Variants in WDR59 observed in about 807,000 individuals in gnomAD.
WDR59 encodes GATOR2 complex protein WDR59.
Under a neutral mutation model 131.2 loss-of-function variants are expected in WDR59, and 100 were observed. That is an observed-to-expected ratio of 0.76 (90% CI 0.65 to 0.90). The LOEUF is 0.90. Among genes scored for constraint, WDR59 ranks in the 40% least tolerant of loss-of-function variants. The pLI, the probability that WDR59 is intolerant of heterozygous loss-of-function variation, is 0.00. For synonymous variants in WDR59, 601 were observed against 466.2 expected (o/e 1.29, Z -3.72); for missense variants, 1,203 against 1,262.2 (o/e 0.95, Z 0.71).
Position 74,873,409 on chromosome 16 carries a change from T to A in WDR59, c.*800A>T, listed in dbSNP as rs1378532234. 1 of 152,138 alleles carries A rather than the reference T, an allele frequency of 6.6e-6. No homozygotes were observed. The highest frequency in any genetic ancestry group is 1.9e-4 in the East Asian group (1 of 5,194). 9.4% of individuals were successfully genotyped at this position (152,138 alleles called of 1,614,324 possible). A position where few individuals can be genotyped will look rare whatever the true frequency, so the allele number is the denominator to read the frequency against. ...CTCCTTTTGCTAGAAGAAATAAGAC[T>A]CTTGGGGCTAGGAAGAACCTTAAAT... On this transcript the variant is annotated 3_prime_UTR_variant, in exon 26 of 26. Transcript: ENST00000262144.
rs376846248 is a variant in WDR59, at chr16:74,886,126, C to T, written c.2546+144G>A. Reference sequence around the variant, plus strand: ...CTGGGAAGCAGAGGTTGCAGAGAGCCGAGATCCCGCCACTGCACTCCAACC... The same window carrying T: ...CTGGGAAGCAGAGGTTGCAGAGAGCTGAGATCCCGCCACTGCACTCCAACC... On this transcript the variant is annotated intron_variant, in intron 24 of 25. Transcript: ENST00000262144. The T allele has an allele frequency of 8.7e-5, 93 of 1,069,728 alleles. 1 individual carries two copies. The African/African-American group carries it at 1.2e-3, about 14-fold the overall frequency. 66.3% of individuals were successfully genotyped at this position (1,069,728 alleles called of 1,614,324 possible).
chr16:74,908,855 G>A (rs1380299200), intron 17 of WDR59, 53 bp downstream of exon 17: 6 of 1,522,110 alleles, frequency 3.9e-6, no homozygotes, highest in South Asian at 1.1e-5. Context: ...CCAGGTCTCT[G>A]GCCACTTCTG....
At chr16:74,914,260 TA>T (rs1966252899) in intron 13 of WDR59, among the ~76,000 whole-genome samples, 1 of 151,576 alleles carries the variant, frequency 6.6e-6, no homozygotes, top group African/African-American at 2.4e-5. Flanking sequence ...TATATCTCAA[TA>T]ATTTTTTTAA....
intron 1 of WDR59, among the ~76,000 whole-genome samples, chr16:74,979,560 G>A (rs1169410346): frequency 6.6e-6 from 1 of 151,524 alleles, no homozygotes; most frequent in Non-Finnish European, 1.5e-5. Flanking sequence ...GTTTTTTTCA[G>A]ATGGAGTCTC....
At position 74,888,278 on chromosome 16, in the gene WDR59, G is replaced by T. The variant is rs140276713; in HGVS notation, c.2237C>A (p.Ala746Glu). 16 of 1,613,968 alleles carry T rather than the reference G, an allele frequency of 9.9e-6. No individual in the cohort carries two copies. Among genetic ancestry groups the T allele is most frequent in the Non-Finnish European group, 1.4e-5 (16 of 1,179,932 alleles). ...GGCTTCAAACACGCTACAGAGCATCGCCAGTGTCTGAACATCCCGGAGCCG... is the reference window on the plus strand; with the variant it reads ...GGCTTCAAACACGCTACAGAGCATCTCCAGTGTCTGAACATCCCGGAGCCG... Reference protein sequence around the residue: ...YCRLRDVQTLAMLCSVFEAQS... With the variant: ...YCRLRDVQTLEMLCSVFEAQS... The change falls in exon 22 of 26, where the codon GCG (alanine) becomes GAG (glutamate). Residue 746 changes from alanine (A) to glutamate (E), a missense_variant. Physicochemically the swap from Ala to Glu is moderately radical, Grantham distance 107. Transcript: ENST00000262144.
intron 8 of WDR59, among the ~76,000 whole-genome samples, chr16:74,931,066 G>C (rs544795747): frequency 7.0e-4 from 106 of 151,878 alleles, no homozygotes; most frequent in Non-Finnish European, 8.5e-4. Context: ...TTGATAATTT[G>C]GATTTATAAA....
intron 1 of WDR59, 107 bp from the exon 2 acceptor site, chr16:74,965,929 T>C: frequency 8.7e-7 from 1 of 1,150,690 alleles, no homozygotes; most frequent in Non-Finnish European, 1.3e-6. Flanking sequence ...AGTCCCCAGC[T>C]CGCAGGTATC....
intron 20 of WDR59, among the ~76,000 whole-genome samples, chr16:74,891,399 T>C (rs998827304): frequency 5.9e-5 from 9 of 152,194 alleles, no homozygotes; most frequent in Non-Finnish European, 1.2e-4. Flanking sequence ...AAGGAGAAAC[T>C]TGAAGTTCAC....
At chr16:74,881,425 C>A (rs951087591) in intron 25 of WDR59, among the ~76,000 whole-genome samples, 5 of 151,796 alleles carry the variant, frequency 3.3e-5, no homozygotes, top group Non-Finnish European at 7.4e-5. Context: ...TTCCTAGACT[C>A]CAGCAATCTG....
chr16:74,886,536 A>G, intron 23 of WDR59, 140 bp from the exon 24 acceptor site: 2 of 1,150,210 alleles, frequency 1.7e-6, no homozygotes, highest in Non-Finnish European at 2.4e-6. Flanking sequence ...GAGAAATATA[A>G]CTAAATAGAA....
chr16:74,901,703 A>G (rs1409916536), intron 18 of WDR59, among the ~76,000 whole-genome samples: 1 of 152,178 alleles, frequency 6.6e-6, no homozygotes, highest in Non-Finnish European at 1.5e-5. Context: ...GAAATTTAGT[A>G]GACTGGAATC....
chr16:74,896,262 C>T (rs557373140), intron 18 of WDR59, among the ~76,000 whole-genome samples: 12 of 152,274 alleles, frequency 7.9e-5, no homozygotes, highest in African/African-American at 2.2e-4. Context: ...AATTCACTAT[C>T]GTTCAGTTTA....
At chr16:74,894,374 A>C (rs910600796) in intron 18 of WDR59, among the ~76,000 whole-genome samples, 4 of 152,212 alleles carry the variant, frequency 2.6e-5, no homozygotes, top group Non-Finnish European at 5.9e-5. Context: ...GATCGTTCTC[A>C]ATGTCAAAAA....
intron 2 of WDR59, among the ~76,000 whole-genome samples, chr16:74,957,714 T>A (rs1376909780): frequency 6.6e-6 from 1 of 152,176 alleles, no homozygotes; most frequent in Non-Finnish European, 1.5e-5. Context: ...TGAATCAACA[T>A]CTCTGCAGCC....
At chr16:74,968,380 C>A (rs765496024) in intron 1 of WDR59, among the ~76,000 whole-genome samples, 8 of 152,322 alleles carry the variant, frequency 5.3e-5, no homozygotes, top group Non-Finnish European at 8.8e-5. Flanking sequence ...AGTGCCTCGA[C>A]TTCTGACCTA....
intron 2 of WDR59, among the ~76,000 whole-genome samples, chr16:74,961,838 G>A (rs374134844): frequency 6.6e-6 from 1 of 152,062 alleles, no homozygotes; most frequent in African/African-American, 2.4e-5. Context: ...AATTGCTTTT[G>A]GTGTTTTTGT....
In WDR59 at chr16:74,903,930, A is replaced by G. The variant is rs9930270; in HGVS notation, c.1866+17T>C. The G allele has an allele frequency of 0.36, 582,746 of 1,598,874 alleles. 110,466 individuals carry two copies. Among genetic ancestry groups the G allele is most frequent in the African/African-American group, 0.65 (48,573 of 74,614 alleles). On this transcript the variant is annotated intron_variant, in intron 18 of 25. Coordinates refer to ENST00000262144, the MANE Select transcript of WDR59 (RefSeq NM_030581.4). ...GGAGAAGGGGTAAGAATCAAAGGCT[A>G]CGGCTCTGGCACTTACCCGCTCCTT...
chr16:74,984,697 C>A, intron 1 of WDR59: 1 of 513,578 alleles, frequency 1.9e-6, no homozygotes, highest in Non-Finnish European at 3.5e-6. Context: ...ACTCACGATG[C>A]GCAGTCTCTG....
At chr16:74,898,651 T>C (rs1197220611) in intron 18 of WDR59, among the ~76,000 whole-genome samples, 1 of 152,148 alleles carries the variant, frequency 6.6e-6, no homozygotes, top group Non-Finnish European at 1.5e-5. Flanking sequence ...ACTGCTACGA[T>C]CAGAGGCAAC....
Sources: allele counts gnomAD v4.1 joint callset (sites outside exome capture counted in the v4.1 genomes callset), GRCh38; gene constraint gnomAD v4.1.1; transcripts MANE v1.5; gene names NCBI Gene and HGNC (gene_info 2026-07-23, HGNC 2026-07-21).